Variants in ODAD2 observed in about 807,000 individuals in gnomAD.
The protein encoded by ODAD2 is outer dynein arm-docking complex subunit 2.
Under a neutral mutation model 106.8 loss-of-function variants are expected in ODAD2, and 89 were observed. That is an observed-to-expected ratio of 0.83 (90% CI 0.70 to 0.99). The LOEUF (loss-of-function observed/expected upper bound fraction) is 0.99, where lower values mean the gene tolerates loss of function less well. ODAD2 is among the 50% of genes least tolerant of loss of function. ODAD2 has a pLI of 0.00. For synonymous variants in ODAD2, 404 were observed against 436.2 expected (o/e 0.93, Z 0.92); for missense variants, 1,168 against 1,238.5 (o/e 0.94, Z 0.85).
At chr10:27,868,673 G>T (rs576002735) in intron 17 of ODAD2, among the ~76,000 whole-genome samples, 5 of 152,188 alleles carry the variant, frequency 3.3e-5, no homozygotes, top group African/African-American at 1.2e-4. Context: ...ACACATTGGG[G>T]CCTGCTGGGG....
chr10:27,927,638 T>C (rs1374135879), intron 16 of ODAD2, among the ~76,000 whole-genome samples: 2 of 152,128 alleles, frequency 1.3e-5, no homozygotes, highest in African/African-American at 2.4e-5. Flanking sequence ...GGAAGTTTAG[T>C]CCTTATCTTA....
chr10:27,888,535 T>C (rs1842376330), intron 17 of ODAD2, among the ~76,000 whole-genome samples: 1 of 152,140 alleles, frequency 6.6e-6, no homozygotes, highest in Non-Finnish European at 1.5e-5. Context: ...GTTGAGTTGT[T>C]TGAGTTCCTT....
At chr10:27,902,387 A>G (rs1027137974) in intron 17 of ODAD2, among the ~76,000 whole-genome samples, 1 of 152,216 alleles carries the variant, frequency 6.6e-6, no homozygotes, top group South Asian at 2.1e-4. Context: ...AATTATAAGA[A>G]CTAGATAAGC....
chr10:27,840,507 C>A lies in ODAD2; in HGVS notation c.3021+20118G>T, dbSNP rs890200727. On this transcript the variant is annotated intron_variant, in intron 19 of 19. Coordinates refer to ENST00000305242, the MANE Select transcript of ODAD2 (RefSeq NM_018076.5). ...TGTAAAGTATCACATGCTTCATTGT[C>A]CACCACTGATTGGACAAGGGGGTGG... 2.6e-5 allele frequency among the ~76,000 whole-genome samples: 4 copies of A among 152,254 alleles called. No individual in the cohort carries two copies. In the East Asian group the frequency reaches 7.7e-4, roughly 29 times the overall value.
intron 10 of ODAD2, among the ~76,000 whole-genome samples, chr10:27,953,024 C>T (rs953466135): frequency 6.6e-6 from 1 of 152,108 alleles, no homozygotes; most frequent in Admixed American, 6.5e-5. Context: ...TAAAAAAATG[C>T]ACATCTTTAA....
chr10:27,989,422 TAAA>T (rs1018487186), intron 2 of ODAD2, among the ~76,000 whole-genome samples: 16 of 152,206 alleles, frequency 1.1e-4, no homozygotes, highest in African/African-American at 3.9e-4. Flanking sequence ...ATATTTTCTC[TAAA>T]ATTAAGCTTC....
chr10:27,966,530 T>C (rs1483901237), intron 9 of ODAD2, among the ~76,000 whole-genome samples: 1 of 152,164 alleles, frequency 6.6e-6, no homozygotes, highest in Non-Finnish European at 1.5e-5. Flanking sequence ...CTTTTCCTAT[T>C]TGATATGATT....
At chr10:27,994,857 A>T in intron 2 of ODAD2, 62 bp downstream of exon 2, 1 of 1,564,096 alleles carries the variant, frequency 6.4e-7, no homozygotes, top group Non-Finnish European at 8.7e-7. Context: ...CAAACCTAGA[A>T]CCAATTGATA....
chr10:27,970,086 G>C (rs904791201), intron 8 of ODAD2, among the ~76,000 whole-genome samples: 65 of 150,782 alleles, frequency 4.3e-4, no homozygotes, highest in African/African-American at 1.6e-3. Flanking sequence ...GGGTGACAGC[G>C]AGATTCTGTC....
chr10:27,812,673 A>C (rs757155470), intron 19 of ODAD2, 48 bp from the exon 20 acceptor site: 1 of 1,522,896 alleles, frequency 6.6e-7, no homozygotes. Flanking sequence ...TAAAAACATT[A>C]ATCTAAAGAC....
intron 19 of ODAD2, among the ~76,000 whole-genome samples, chr10:27,858,253 G>C (rs539460955): frequency 1.1e-4 from 17 of 152,220 alleles, no homozygotes; most frequent in African/African-American, 3.9e-4. Flanking sequence ...AGGAAACACA[G>C]GTTGTTATGC....
chr10:27,971,476 G>A (rs1286568535), intron 7 of ODAD2, among the ~76,000 whole-genome samples, 163 bp from the exon 8 acceptor site: 1 of 152,168 alleles, frequency 6.6e-6, no homozygotes, highest in Non-Finnish European at 1.5e-5. Context: ...TAAGGCTTCT[G>A]TTGGAGTTAG....
intron 16 of ODAD2, among the ~76,000 whole-genome samples, chr10:27,926,605 G>A (rs1336689074): frequency 1.3e-5 from 2 of 152,116 alleles, no homozygotes; most frequent in East Asian, 1.9e-4. Flanking sequence ...AAGGGCATGG[G>A]AATTCTGTGT....
At chr10:27,952,017 G>A (rs1259198034) in intron 10 of ODAD2, among the ~76,000 whole-genome samples, 2 of 135,888 alleles carry the variant, frequency 1.5e-5, no homozygotes, top group African/African-American at 5.4e-5. Context: ...AGAGGTTGCA[G>A]TGAGCCAAGA....
At position 27,919,999 on chromosome 10, in the gene ODAD2, C is replaced by A. The variant is rs74831843; in HGVS notation, c.2496-12222G>T. On this transcript the variant is annotated intron_variant, in intron 16 of 19. Coordinates refer to ENST00000305242, the MANE Select transcript of ODAD2 (RefSeq NM_018076.5). ...CTCTATGCTTTCATTCAGATACACTCCAAACAGAAACAAAACTAAGCTATA... is the reference window on the plus strand; with the variant it reads ...CTCTATGCTTTCATTCAGATACACTACAAACAGAAACAAAACTAAGCTATA... 9.3e-3 allele frequency among the ~76,000 whole-genome samples: 1,408 copies of A among 152,040 alleles called. 13 individuals carry two copies. The highest frequency in any genetic ancestry group is 0.02 in the Middle Eastern group (6 of 294).
At chr10:27,941,778 G>C (rs1285059502) in intron 12 of ODAD2, among the ~76,000 whole-genome samples, 1 of 152,036 alleles carries the variant, frequency 6.6e-6, no homozygotes. Flanking sequence ...TCTGGGGCTT[G>C]GGAGCCATCA....
chr10:27,876,627 G>T (rs1469253496), intron 17 of ODAD2, among the ~76,000 whole-genome samples: 1 of 152,204 alleles, frequency 6.6e-6, no homozygotes, highest in Non-Finnish European at 1.5e-5. Flanking sequence ...GCCCAATTAT[G>T]GGCAATGAGG....
intron 15 of ODAD2, 23 bp from the exon 16 acceptor site, chr10:27,935,275 G>A (rs755099287): frequency 3.7e-6 from 6 of 1,611,726 alleles, no homozygotes; most frequent in Non-Finnish European, 4.2e-6. Context: ...TAAGAAAGAG[G>A]AGAATTGGTT....
chr10:27,950,773 G>A (rs969306081), intron 10 of ODAD2, among the ~76,000 whole-genome samples: 1 of 151,898 alleles, frequency 6.6e-6, no homozygotes, highest in Non-Finnish European at 1.5e-5. Context: ...TTTTTAATTT[G>A]CCATGGAACA....
Sources: allele counts gnomAD v4.1 joint callset (sites outside exome capture counted in the v4.1 genomes callset), GRCh38; gene constraint gnomAD v4.1.1; transcripts MANE v1.5; gene names NCBI Gene and HGNC (gene_info 2026-07-23, HGNC 2026-07-21).